The following PCYT1A variants were observed in gnomAD, a reference collection of about 807,000 sequenced individuals.
PCYT1A encodes choline-phosphate cytidylyltransferase A.
PCYT1A carries 25 observed loss-of-function variants against 43.7 expected under a neutral mutation model. That is an observed-to-expected ratio of 0.57 (90% CI 0.42 to 0.80). PCYT1A has a LOEUF of 0.80. Ranked by LOEUF, PCYT1A falls within the 30% of genes least tolerant of loss-of-function variation. The probability of loss-of-function intolerance (pLI) is 0.00; values close to 1 mark genes in which losing one functional copy is unlikely to be tolerated. For synonymous variants in PCYT1A, 172 were observed against 170.7 expected, an observed-to-expected ratio of 1.01 and a Z score of -0.06; for missense variants, 421 against 474.2, an observed-to-expected ratio of 0.89 and a Z score of 1.04.
At chr3:196,243,813 G>C (rs1724449420) in intron 5 of PCYT1A, among the ~76,000 whole-genome samples, 1 of 152,282 alleles carries the variant, frequency 6.6e-6, no homozygotes, top group Admixed American at 6.5e-5. Flanking sequence ...CGGGATTGCA[G>C]ACGGAGTCTC....
intron 1 of PCYT1A, among the ~76,000 whole-genome samples, chr3:196,285,479 A>G (rs1725884117): frequency 6.6e-6 from 1 of 152,106 alleles, no homozygotes; most frequent in African/African-American, 2.4e-5. Context: ...AAATAAATAA[A>G]TAAAATAAAA....
chr3:196,241,557 C>G (rs1357788012), intron 7 of PCYT1A: 6 of 1,296,878 alleles, frequency 4.6e-6, no homozygotes, highest in South Asian at 2.5e-5. Context: ...AAACTCAGGT[C>G]TGTGTGGGAA....
rs776687787 is a variant in PCYT1A at position 196,270,448 on chromosome 3, ATCT to A, written c.81_83del (p.Glu27del). On this transcript the variant is annotated inframe_deletion, in exon 2 of 9. Transcript: ENST00000431016. The stretch of plus-strand genomic sequence containing the variant: ...AGCGCTGCACTTTGGAAGGAACCCC[ATCT>A]TCTTCTGTTGCCCCGTTGGGTCCGG... The A allele has an allele frequency of 2.1e-5, 34 of 1,613,646 alleles. No homozygotes were observed. The highest frequency in any genetic ancestry group is 2.7e-5 in the Non-Finnish European group (32 of 1,179,694).
At chr3:196,263,360 G>T (rs1373964392) in intron 2 of PCYT1A, among the ~76,000 whole-genome samples, 2 of 152,008 alleles carry the variant, frequency 1.3e-5, no homozygotes, top group African/African-American at 4.8e-5. Context: ...GGACCACAGG[G>T]GCACATCACC....
At chr3:196,246,829 C>G (rs1477641920) in intron 5 of PCYT1A, among the ~76,000 whole-genome samples, 1 of 152,010 alleles carries the variant, frequency 6.6e-6, no homozygotes, top group East Asian at 1.9e-4. Flanking sequence ...CTGGTGAGTT[C>G]AGTTCCCAGC....
At position 196,247,225 on chromosome 3, in the gene PCYT1A, A is replaced by T; in HGVS notation, c.486+142T>A. 1.2e-6 allele frequency: 1 copy of T among 825,830 alleles called. No homozygotes were observed. Among genetic ancestry groups the T allele is most frequent in the Non-Finnish European group, 2.0e-6 (1 of 497,876 alleles). 51.2% of individuals were successfully genotyped at this position (825,830 alleles called of 1,614,324 possible). On this transcript the variant is annotated intron_variant, in intron 5 of 8. Coordinates refer to ENST00000431016, the MANE Select transcript of PCYT1A (RefSeq NM_001312673.2). This position sits in a 1 kb window ranked among gnomAD's most constrained non-coding sequence, Gnocchi z 4.8. ...GTCAGGGGTGACTGTTATCACTAGT[A>T]ATATCACTGTCATCTCCTACGAAAC...
At position 196,282,549 on chromosome 3, in the gene PCYT1A, T is replaced by G. The variant is rs569419569; in HGVS notation, c.-11+5066A>C. Among the ~76,000 whole-genome samples, 2 of 152,354 alleles carry G rather than the reference T, an allele frequency of 1.3e-5. No homozygotes were observed. Among genetic ancestry groups the G allele is most frequent in the East Asian group, 1.9e-4 (1 of 5,192 alleles). On this transcript the variant is annotated intron_variant, in intron 1 of 8. Coordinates refer to ENST00000431016, the MANE Select transcript of PCYT1A (RefSeq NM_001312673.2). The surrounding 1 kb of genome is among the most constrained non-coding windows in gnomAD (Gnocchi z 4.3). Reference sequence around the variant, plus strand: ...ATTAGACAAATGGATTTGTTACCAGTAGAAATCATGGATATTTTCATACCA... The same window carrying G: ...ATTAGACAAATGGATTTGTTACCAGGAGAAATCATGGATATTTTCATACCA...
chr3:196,262,786 C>CT (rs200006356), intron 2 of PCYT1A, among the ~76,000 whole-genome samples: 69,032 of 138,218 alleles, frequency 0.5, 17,281 homozygotes, highest in East Asian at 0.86. Flanking sequence ...TCTAAGGATT[C>CT]TTTTTTTTTT....
At chr3:196,267,214 T>C in intron 2 of PCYT1A, 1 of 386,418 alleles carries the variant, frequency 2.6e-6, no homozygotes, top group Admixed American at 3.3e-5. Flanking sequence ...TACTTGTACA[T>C]GTTGCAGTAC....
At chr3:196,264,530 GC>G (rs1227710636) in intron 2 of PCYT1A, among the ~76,000 whole-genome samples, 1 of 152,160 alleles carries the variant, frequency 6.6e-6, no homozygotes, top group Non-Finnish European at 1.5e-5. Context: ...TCAAAGTTCA[GC>G]TCAGAAATAA....
chr3:196,257,027 C>A (rs1235986855), intron 3 of PCYT1A, among the ~76,000 whole-genome samples: 2 of 152,024 alleles, frequency 1.3e-5, no homozygotes, highest in Non-Finnish European at 2.9e-5. Flanking sequence ...GTAGAGAGAA[C>A]ACTTAGTAAT....
At chr3:196,279,587 C>T (rs1006725956) in intron 1 of PCYT1A, among the ~76,000 whole-genome samples, 1 of 152,152 alleles carries the variant, frequency 6.6e-6, no homozygotes, top group Non-Finnish European at 1.5e-5. Flanking sequence ...CACTGCTTGC[C>T]TTGTTCCTCC....
At position 196,282,402 on chromosome 3, in the gene PCYT1A, C is replaced by CTCA. The variant is rs150072690; in HGVS notation, c.-11+5210_-11+5212dup. ...GATCTTCCTAGAGTGGGTTATGGAACTCATATCTCTGAGGCAGGGTCTATG... is the reference window on the plus strand; with the variant it reads ...GATCTTCCTAGAGTGGGTTATGGAACTCATCATATCTCTGAGGCAGGGTCTATG... On this transcript the variant is annotated intron_variant, in intron 1 of 8. Coordinates refer to ENST00000431016, the MANE Select transcript of PCYT1A (RefSeq NM_001312673.2). The surrounding 1 kb of genome is among the most constrained non-coding windows in gnomAD (Gnocchi z 4.3). 1.1e-3 allele frequency among the ~76,000 whole-genome samples: 173 copies of CTCA among 152,276 alleles called. No homozygotes were observed. The highest frequency in any genetic ancestry group is 2.2e-3 in the Non-Finnish European group (151 of 68,032).
In PCYT1A at chr3:196,236,793, A is replaced by G. The variant is rs991474218; in HGVS notation, c.*1895T>C. The G allele has an allele frequency of 2.0e-5, 3 of 152,258 alleles. No homozygotes were observed. The highest frequency in any genetic ancestry group is 7.2e-5 in the African/African-American group (3 of 41,428). 9.4% of individuals were successfully genotyped at this position (152,258 alleles called of 1,614,324 possible). On this transcript the variant is annotated 3_prime_UTR_variant, in exon 9 of 9. Transcript: ENST00000431016. ...GGGATTCTCCTGCCTCAGCCTCCCA[A>G]GTAGCTGGGATTACAGGTGCCCACC... is the stretch of plus-strand genomic sequence containing the variant.
chr3:196,266,713 A>G (rs1013242840), intron 2 of PCYT1A, among the ~76,000 whole-genome samples: 3 of 151,602 alleles, frequency 2.0e-5, no homozygotes, highest in Admixed American at 6.6e-5. Flanking sequence ...AACATGGTAA[A>G]ACCCCATCTC....
At chr3:196,250,969 G>A (rs1724753299) in intron 3 of PCYT1A, among the ~76,000 whole-genome samples, 1 of 151,228 alleles carries the variant, frequency 6.6e-6, no homozygotes, top group South Asian at 2.1e-4. Context: ...CTATGCTGAG[G>A]TTGAGGACCA....
chr3:196,286,087 G>C (rs1355372719), intron 1 of PCYT1A, among the ~76,000 whole-genome samples: 1 of 122,698 alleles, frequency 8.2e-6, no homozygotes, highest in African/African-American at 3.2e-5. Context: ...TTTTGAGACA[G>C]AGTCTCCCTC....
chr3:196,278,515 G>A (rs1474701143), intron 1 of PCYT1A, among the ~76,000 whole-genome samples: 2 of 152,148 alleles, frequency 1.3e-5, no homozygotes, highest in Admixed American at 6.6e-5. Flanking sequence ...AGTAGGAGGC[G>A]AACATGGGGC....
chr3:196,242,200 ATC>A lies in PCYT1A; in HGVS notation c.566-112_566-111del. ...TCCTTTCCTTTCCTCAAAAAGCAGA[ATC>A]TGTTATTACTAAATGAAACTGAAAG... On this transcript the variant is annotated intron_variant, in intron 6 of 8. Coordinates refer to ENST00000431016, the MANE Select transcript of PCYT1A (RefSeq NM_001312673.2). This position sits in a 1 kb window ranked among gnomAD's most constrained non-coding sequence, Gnocchi z 4.2. 1.8e-6 allele frequency: 2 copies of A among 1,083,018 alleles called. No homozygotes were observed. The highest frequency in any genetic ancestry group is 2.8e-6 in the Non-Finnish European group (2 of 721,844). The allele number at this position is 1,083,018 out of a possible 1,614,324, so 67.1% of individuals were successfully genotyped here. A position where few individuals can be genotyped will look rare whatever the true frequency, so the allele number is the denominator to read the frequency against.
Sources: gnomAD v4.1 joint callset for allele counts (sites outside exome capture counted in the v4.1 genomes callset) on GRCh38, gnomAD v4.1.1 for gene constraint, Gnocchi (gnomAD v3.1) non-coding constraint, MANE v1.5 for transcripts, NCBI Gene and HGNC (gene_info 2026-07-23, HGNC 2026-07-21) for gene names.